Variants in CCDC170 observed in about 807,000 individuals in gnomAD.
CCDC170 encodes the protein coiled-coil domain-containing protein 170.
Under a neutral mutation model 72.6 loss-of-function variants are expected in CCDC170, and 69 were observed. The observed-to-expected ratio is 0.95, with a 90% CI of 0.78 to 1.16. CCDC170 has a LOEUF of 1.16. Ranked by LOEUF, CCDC170 falls within the 50% of genes most tolerant of loss-of-function variation. The probability of loss-of-function intolerance (pLI) is 0.00; values close to 1 mark genes in which losing one functional copy is unlikely to be tolerated. For synonymous variants in CCDC170, 300 were observed against 303.9 expected, an observed-to-expected ratio of 0.99 and a Z score of 0.13; for missense variants, 852 against 832.5, an observed-to-expected ratio of 1.02 and a Z score of -0.29.
chr6:151,600,565 A>G (rs981535238), intron 9 of CCDC170, among the ~76,000 whole-genome samples: 2 of 152,076 alleles, frequency 1.3e-5, no homozygotes, highest in Admixed American at 1.3e-4. Context: ...CATTACCTGC[A>G]AAGGCCCTTA....
intron 1 of CCDC170, among the ~76,000 whole-genome samples, chr6:151,531,509 C>T (rs1782489925): frequency 1.3e-5 from 2 of 152,122 alleles, no homozygotes; most frequent in Non-Finnish European, 2.9e-5. Flanking sequence ...GGGACTGAGG[C>T]AGGAGGATCA....
At chr6:151,495,902 CAAT>C (rs1389431182) in intron 1 of CCDC170, among the ~76,000 whole-genome samples, 3 of 152,108 alleles carry the variant, frequency 2.0e-5, no homozygotes, top group Non-Finnish European at 2.9e-5. Flanking sequence ...AGCATTGTGA[CAAT>C]AATATTATCT....
At chr6:151,551,699 T>G (rs1782881229) in intron 5 of CCDC170, among the ~76,000 whole-genome samples, 1 of 152,136 alleles carries the variant, frequency 6.6e-6, no homozygotes, top group South Asian at 2.1e-4. Context: ...TCAGCTACCA[T>G]GTGAGTGAGC....
Position 151,615,692 on chromosome 6 carries a change from C to A in CCDC170, c.1947+13C>A. The A allele has an allele frequency of 1.3e-6, 2 of 1,561,584 alleles. No homozygotes were observed. The highest frequency in any genetic ancestry group is 1.8e-6 in the Non-Finnish European group (2 of 1,134,982). Reference sequence around the variant, plus strand: ...GAGAGAAAAGCAGGTGGGTCTAAATCTGGTGATGAAACCTTGTTTAGGAAA... The same window carrying A: ...GAGAGAAAAGCAGGTGGGTCTAAATATGGTGATGAAACCTTGTTTAGGAAA... On this transcript the variant is annotated intron_variant, in intron 10 of 10. Transcript: ENST00000239374.
intron 3 of CCDC170, among the ~76,000 whole-genome samples, chr6:151,544,100 C>A (rs568833845): frequency 3.0e-4 from 46 of 152,238 alleles, no homozygotes; most frequent in African/African-American, 1.1e-3. Context: ...TATAGTTATG[C>A]CTGGCCATGA....
Position 151,547,714 on chromosome 6 carries a change from A to G in CCDC170, c.589-590A>G, listed in dbSNP as rs572043315. The stretch of plus-strand genomic sequence containing the variant: ...CTGTATGGCTCGTTCCCTGAGGTCA[A>G]GGAGCCTGCTGGCTTTTATTTTCCC... On this transcript the variant is annotated intron_variant, in intron 4 of 10. Coordinates refer to ENST00000239374, the MANE Select transcript of CCDC170 (RefSeq NM_025059.4). 3.7e-4 allele frequency among the ~76,000 whole-genome samples: 56 copies of G among 152,292 alleles called. 1 individual carries two copies. Among genetic ancestry groups the G allele is most frequent in the African/African-American group, 1.3e-3 (55 of 41,568 alleles).
chr6:151,555,134 G>A (rs1488176482), intron 5 of CCDC170, among the ~76,000 whole-genome samples: 3 of 151,666 alleles, frequency 2.0e-5, no homozygotes, highest in South Asian at 2.1e-4. Context: ...CACCTGCCTC[G>A]GCCTCCCAAA....
chr6:151,573,330 G>T lies in CCDC170; in HGVS notation c.931G>T (p.Ala311Ser), dbSNP rs780422469. 5 of 1,613,998 alleles carry T rather than the reference G, an allele frequency of 3.1e-6. No homozygotes were observed. Among genetic ancestry groups the T allele is most frequent in the Non-Finnish European group, 4.2e-6 (5 of 1,180,032 alleles). The change falls in exon 6 of 11, where the codon GCC becomes TCC. Residue 311 changes from alanine (A) to serine (S), a missense_variant. Ala to Ser is a moderately conservative substitution (Grantham distance 99). Transcript: ENST00000239374. ...TTCTGAGTTGGAGAAGAGTTTGAAGGCCAGTCAGGATGCAGTCACAACCTC... is the reference window on the plus strand; with the variant it reads ...TTCTGAGTTGGAGAAGAGTTTGAAGTCCAGTCAGGATGCAGTCACAACCTC... ...SSSELEKSLK[A>S]SQDAVTTSQS...
chr6:151,578,413 G>A (rs1776333703), intron 6 of CCDC170, among the ~76,000 whole-genome samples: 1 of 152,134 alleles, frequency 6.6e-6, no homozygotes, highest in Admixed American at 6.5e-5. Flanking sequence ...TGCATTCTTT[G>A]TTGTAGGGAT....
At chr6:151,601,711 G>GC (rs1776713127) in intron 9 of CCDC170, among the ~76,000 whole-genome samples, 1 of 152,196 alleles carries the variant, frequency 6.6e-6, no homozygotes, top group Non-Finnish European at 1.5e-5. Context: ...TGATATTGTA[G>GC]TAAAAATATG....
intron 7 of CCDC170, among the ~76,000 whole-genome samples, chr6:151,592,511 G>A (rs942075086): frequency 6.6e-6 from 1 of 152,128 alleles, no homozygotes; most frequent in East Asian, 1.9e-4. Flanking sequence ...CTTACATGGT[G>A]GCAGGCAAAG....
chr6:151,574,400 T>C (rs1050861620), intron 6 of CCDC170, among the ~76,000 whole-genome samples: 1 of 152,192 alleles, frequency 6.6e-6, no homozygotes, highest in Non-Finnish European at 1.5e-5. Flanking sequence ...GTTTACGGCC[T>C]CGGAGATTTT....
chr6:151,585,352 A>G (rs189039788), intron 6 of CCDC170, among the ~76,000 whole-genome samples: 34 of 152,354 alleles, frequency 2.2e-4, no homozygotes, highest in African/African-American at 8.2e-4. Context: ...GTGTAGAGTC[A>G]GCATCCCTGG....
At chr6:151,589,239 A>G (rs1034378286) in intron 7 of CCDC170, among the ~76,000 whole-genome samples, 14 of 149,006 alleles carry the variant, frequency 9.4e-5, no homozygotes, top group African/African-American at 2.7e-4. Flanking sequence ...TGGGTGACAG[A>G]GACTCCCTCT....
intron 1 of CCDC170, among the ~76,000 whole-genome samples, chr6:151,502,952 G>A (rs1200426665): frequency 6.6e-6 from 1 of 152,090 alleles, no homozygotes; most frequent in Non-Finnish European, 1.5e-5. Context: ...GGAGGATCAC[G>A]AGGTCAAGAG....
intron 1 of CCDC170, among the ~76,000 whole-genome samples, chr6:151,500,058 C>A (rs1353050064): frequency 6.6e-6 from 1 of 152,162 alleles, no homozygotes; most frequent in Non-Finnish European, 1.5e-5. Context: ...TACATTCTCA[C>A]CAGCAGTGCA....
At chr6:151,513,002 T>G (rs1290462208) in intron 1 of CCDC170, among the ~76,000 whole-genome samples, 1 of 152,172 alleles carries the variant, frequency 6.6e-6, no homozygotes, top group Non-Finnish European at 1.5e-5. Context: ...TCAAAACAAT[T>G]TTTATTTCCT....
intron 1 of CCDC170, 129 bp downstream of exon 1, chr6:151,494,314 C>A: frequency 1.0e-6 from 1 of 992,770 alleles, no homozygotes; most frequent in Admixed American, 4.1e-5. Context: ...CAGCTCTGTG[C>A]CCGCGAGGGC....
chr6:151,513,685 A>G (rs796134636), intron 1 of CCDC170, among the ~76,000 whole-genome samples: 1 of 148,200 alleles, frequency 6.7e-6, no homozygotes, highest in African/African-American at 2.5e-5. Flanking sequence ...TGGGAGGCTG[A>G]GGTGGGTGAA....
Sources: allele counts gnomAD v4.1 joint callset (sites outside exome capture counted in the v4.1 genomes callset), GRCh38; gene constraint gnomAD v4.1.1; transcripts MANE v1.5; gene names NCBI Gene and HGNC (gene_info 2026-07-23, HGNC 2026-07-21).